Variants in SLC7A14 observed in about 807,000 individuals in gnomAD.
The protein encoded by SLC7A14 is gamma-aminobutyric acid transporter SLC7A14.
A neutral mutation model predicts 60.2 loss-of-function variants in SLC7A14; 37 were observed. The ratio of observed to expected loss-of-function variants is 0.61; its 90% confidence interval spans 0.47 to 0.81. The LOEUF (loss-of-function observed/expected upper bound fraction) is 0.81. Among genes scored for constraint, SLC7A14 ranks in the 30% least tolerant of loss-of-function variants. SLC7A14 has a pLI of 0.00. For synonymous variants in SLC7A14, 399 were observed against 395.8 expected (o/e 1.01, Z -0.10); for missense variants, 886 against 982.7 (o/e 0.90, Z 1.32).
chr3:170,481,330 A>G (rs1435226497), intron 6 of SLC7A14, among the ~76,000 whole-genome samples, 164 bp from the exon 7 acceptor site: 3 of 151,646 alleles, frequency 2.0e-5, no homozygotes, highest in Non-Finnish European at 1.5e-5. Flanking sequence ...TCCAGCTGCT[A>G]TTCCTACCCC....
intron 1 of SLC7A14, among the ~76,000 whole-genome samples, chr3:170,566,639 C>A (rs1714796985): frequency 6.6e-6 from 1 of 152,124 alleles, no homozygotes; most frequent in African/African-American, 2.4e-5. Context: ...TTTGGTGGCT[C>A]CCACTGCCTG....
At chr3:170,496,151 G>T (rs937274864) in intron 4 of SLC7A14, 13 of 931,716 alleles carry the variant, frequency 1.4e-5, no homozygotes, top group Non-Finnish European at 2.3e-5. Context: ...CCCAGATCTC[G>T]GGCACGTCTG....
In SLC7A14 at chr3:170,532,697, C is replaced by G. The variant is rs879617314; in HGVS notation, c.-152-5609G>C. 2.0e-5 allele frequency among the ~76,000 whole-genome samples: 3 copies of G among 148,976 alleles called. No individual in the cohort carries two copies. The highest frequency in any genetic ancestry group is 7.4e-5 in the African/African-American group (3 of 40,550). On this transcript the variant is annotated intron_variant, in intron 1 of 7. Coordinates refer to ENST00000231706, the MANE Select transcript of SLC7A14 (RefSeq NM_020949.3). The surrounding 1 kb of genome is among the most constrained non-coding windows in gnomAD (Gnocchi z 4.0). ...TTTTTTTTTTTTTGTTGTTGTTGTTCCCTGCTACTGACACCCTTCCCACCA... is the reference window on the plus strand; with the variant it reads ...TTTTTTTTTTTTTGTTGTTGTTGTTGCCTGCTACTGACACCCTTCCCACCA...
At chr3:170,487,042 A>G (rs978985129) in intron 4 of SLC7A14, among the ~76,000 whole-genome samples, 3 of 149,084 alleles carry the variant, frequency 2.0e-5, no homozygotes, top group Admixed American at 6.8e-5. Flanking sequence ...CAGACATTCT[A>G]TTGTCTTCAC....
At chr3:170,568,185 A>G (rs911508931) in intron 1 of SLC7A14, among the ~76,000 whole-genome samples, 6 of 152,140 alleles carry the variant, frequency 3.9e-5, no homozygotes, top group Non-Finnish European at 7.4e-5. Flanking sequence ...TAATTTTTGT[A>G]TAAGGTGTAA....
At chr3:170,524,513 A>AT (rs1224306463) in intron 2 of SLC7A14, among the ~76,000 whole-genome samples, 2 of 72,246 alleles carry the variant, frequency 2.8e-5, no homozygotes, top group Non-Finnish European at 6.3e-5. Context: ...CTGGGTCAAA[A>AT]TGGATGAGAT....
At chr3:170,500,497 G>A (rs1161556105) in intron 3 of SLC7A14, among the ~76,000 whole-genome samples, 1 of 150,336 alleles carries the variant, frequency 6.7e-6, no homozygotes, top group Admixed American at 6.6e-5. Context: ...TGGAGCCTGA[G>A]GTCTCATGGT....
chr3:170,567,543 C>T (rs1400376143), intron 1 of SLC7A14, among the ~76,000 whole-genome samples: 1 of 151,606 alleles, frequency 6.6e-6, no homozygotes, highest in Non-Finnish European at 1.5e-5. Context: ...ATGGCTGGGT[C>T]AAATGGTATT....
At chr3:170,580,106 G>A (rs778080641) in intron 1 of SLC7A14, among the ~76,000 whole-genome samples, 47 of 152,194 alleles carry the variant, frequency 3.1e-4, no homozygotes, top group Non-Finnish European at 5.9e-5. Flanking sequence ...AGATAGACGA[G>A]TGTATGGCAT....
At chr3:170,574,576 T>C (rs536514286) in intron 1 of SLC7A14, among the ~76,000 whole-genome samples, 1 of 152,314 alleles carries the variant, frequency 6.6e-6, no homozygotes, top group African/African-American at 2.4e-5. Flanking sequence ...AGTGGTGGCA[T>C]TGATCATAAA....
At chr3:170,530,067 A>G (rs1713626995) in intron 1 of SLC7A14, among the ~76,000 whole-genome samples, 4 of 152,372 alleles carry the variant, frequency 2.6e-5, no homozygotes, top group Admixed American at 2.6e-4. Flanking sequence ...GGTTGGCACA[A>G]AAGTAATTGC....
At chr3:170,542,279 T>C (rs1020827507) in intron 1 of SLC7A14, among the ~76,000 whole-genome samples, 11 of 152,220 alleles carry the variant, frequency 7.2e-5, no homozygotes, top group Non-Finnish European at 1.6e-4. Flanking sequence ...ATAGCTTGGT[T>C]TTCTTTCTCC....
At chr3:170,490,144 C>A (rs915364653) in intron 4 of SLC7A14, among the ~76,000 whole-genome samples, 1 of 152,108 alleles carries the variant, frequency 6.6e-6, no homozygotes, top group Non-Finnish European at 1.5e-5. Flanking sequence ...GATGGACACC[C>A]CATTCTCCAC....
intron 7 of SLC7A14, among the ~76,000 whole-genome samples, chr3:170,474,483 G>A (rs894234131): frequency 2.0e-5 from 3 of 152,148 alleles, no homozygotes; most frequent in African/African-American, 7.2e-5. Flanking sequence ...CAGCCCTGTT[G>A]CCAACCTCAT....
intron 1 of SLC7A14, among the ~76,000 whole-genome samples, chr3:170,574,139 C>T (rs995963205): frequency 2.6e-5 from 4 of 152,204 alleles, no homozygotes; most frequent in African/African-American, 9.6e-5. Flanking sequence ...GGTTTCTTTC[C>T]TCTCTTACTT....
intron 6 of SLC7A14, 113 bp from the exon 7 acceptor site, chr3:170,481,279 G>A (rs879607348): frequency 2.6e-6 from 3 of 1,136,908 alleles, no homozygotes; most frequent in Non-Finnish European, 3.7e-6. Context: ...ACTCCTCCTG[G>A]TCCTGCTCCA....
intron 2 of SLC7A14, among the ~76,000 whole-genome samples, chr3:170,526,215 A>G (rs1577537274): frequency 1.3e-5 from 2 of 152,202 alleles, no homozygotes. Flanking sequence ...CAGTCTGGCC[A>G]AAATGGTGAA....
intron 2 of SLC7A14, among the ~76,000 whole-genome samples, chr3:170,502,155 C>T (rs1014312588): frequency 6.6e-6 from 1 of 152,114 alleles, no homozygotes; most frequent in African/African-American, 2.4e-5. Context: ...CAGAGAGAGA[C>T]AGTATGAAGT....
intron 7 of SLC7A14, among the ~76,000 whole-genome samples, chr3:170,473,337 A>G (rs183291858): frequency 5.3e-5 from 8 of 152,328 alleles, no homozygotes; most frequent in African/African-American, 1.7e-4. Context: ...CAATAACAGC[A>G]TATTTCCAAC....
Sources: allele counts gnomAD v4.1 joint callset (sites outside exome capture counted in the v4.1 genomes callset), GRCh38; gene constraint gnomAD v4.1.1; non-coding constraint Gnocchi (gnomAD v3.1); transcripts MANE v1.5; gene names NCBI Gene and HGNC (gene_info 2026-07-23, HGNC 2026-07-21).